Variants in GALNT13 observed in about 807,000 individuals in gnomAD.
The protein encoded by GALNT13 is UDP-GalNAc:polypeptide N-acetylgalactosaminyltransferase 13.
GALNT13 carries 28 observed loss-of-function variants against 64.2 expected under a neutral mutation model. The ratio of observed to expected loss-of-function variants is 0.44; its 90% CI spans 0.32 to 0.60. The LOEUF (loss-of-function observed/expected upper bound fraction) is 0.60. GALNT13 is among the 20% of genes least tolerant of loss of function. GALNT13 has a pLI of 0.05. For synonymous variants in GALNT13, 214 were observed against 224.6 expected (o/e 0.95, Z 0.42); for missense variants, 577 against 669.8 (o/e 0.86, Z 1.53).
chr2:153,837,117 C>T, the GALNT13 span, among the ~76,000 whole-genome samples: 2 of 150,422 alleles, frequency 1.3e-5, no homozygotes, highest in Non-Finnish European at 3.0e-5. Flanking sequence ...AGTTTCCAGT[C>T]CCACCAACAG....
chr2:154,352,729 A>C (rs570538648), intron 9 of GALNT13, among the ~76,000 whole-genome samples: 1 of 152,092 alleles, frequency 6.6e-6, no homozygotes, highest in Non-Finnish European at 1.5e-5. Context: ...AGTTTCTTCA[A>C]TGTACCTCCT....
At chr2:154,269,407 T>C (rs1308390544) in intron 8 of GALNT13, among the ~76,000 whole-genome samples, 2 of 151,966 alleles carry the variant, frequency 1.3e-5, no homozygotes, top group Non-Finnish European at 1.5e-5. Context: ...AAGTAGGTTA[T>C]TTGTCAGTGT....
At chr2:154,324,570 C>T (rs1419481693) in intron 9 of GALNT13, among the ~76,000 whole-genome samples, 2 of 152,006 alleles carry the variant, frequency 1.3e-5, no homozygotes, top group Admixed American at 6.6e-5. Context: ...ATGAGGAGTC[C>T]ATGGTTTTCC....
At chr2:154,168,022 A>G (rs1459675448) in intron 4 of GALNT13, among the ~76,000 whole-genome samples, 1 of 152,188 alleles carries the variant, frequency 6.6e-6, no homozygotes, top group Non-Finnish European at 1.5e-5. Flanking sequence ...GCATCAGTGC[A>G]TGGAAAGAAA....
chr2:153,589,882 A>G, the GALNT13 span, among the ~76,000 whole-genome samples: 7 of 152,310 alleles, frequency 4.6e-5, no homozygotes, highest in Non-Finnish European at 1.0e-4. Context: ...GTGTGGGAAT[A>G]CAGCCAAACC....
chr2:153,405,091 A>G, the GALNT13 span, among the ~76,000 whole-genome samples: 1 of 152,164 alleles, frequency 6.6e-6, no homozygotes, highest in African/African-American at 2.4e-5. Flanking sequence ...TACACATAAG[A>G]CTGGTAAGTT....
intron 4 of GALNT13, among the ~76,000 whole-genome samples, chr2:154,164,846 A>G (rs959703034): frequency 6.6e-6 from 1 of 152,136 alleles, no homozygotes; most frequent in Admixed American, 6.5e-5. Context: ...TATAAAAACT[A>G]AAAAACAAGT....
chr2:153,538,251 T>C, the GALNT13 span, among the ~76,000 whole-genome samples: 1 of 151,780 alleles, frequency 6.6e-6, no homozygotes, highest in Non-Finnish European at 1.5e-5. Flanking sequence ...CCTAGAGATC[T>C]GTGGAACTTT....
the GALNT13 span, among the ~76,000 whole-genome samples, chr2:153,810,426 C>T: frequency 1.3e-5 from 2 of 152,130 alleles, no homozygotes; most frequent in Non-Finnish European, 2.9e-5. Context: ...GAGGTTTAAT[C>T]TAATTAAAGT....
the GALNT13 span, among the ~76,000 whole-genome samples, chr2:153,819,156 G>T: frequency 6.6e-6 from 1 of 152,116 alleles, no homozygotes. Context: ...CAACATGTAT[G>T]GGCCCAAAGG....
the GALNT13 span, among the ~76,000 whole-genome samples, chr2:153,522,141 T>G: frequency 6.6e-6 from 1 of 152,202 alleles, no homozygotes; most frequent in South Asian, 2.1e-4. Flanking sequence ...GAGACCAGCC[T>G]GGCCAACATG....
chr2:153,676,341 A>C, the GALNT13 span, among the ~76,000 whole-genome samples: 7 of 152,260 alleles, frequency 4.6e-5, no homozygotes, highest in South Asian at 1.5e-3. Flanking sequence ...GAGCAGACCA[A>C]TAATGAGCTC....
At chr2:154,122,650 T>G (rs572109441) in intron 3 of GALNT13, among the ~76,000 whole-genome samples, 1 of 152,094 alleles carries the variant, frequency 6.6e-6, no homozygotes, top group South Asian at 2.1e-4. Flanking sequence ...ATTTTGGTAG[T>G]TTTGTGTGTT....
chr2:154,026,270 G>A (rs1697958392), intron 3 of GALNT13, among the ~76,000 whole-genome samples: 1 of 152,100 alleles, frequency 6.6e-6, no homozygotes, highest in African/African-American at 2.4e-5. Context: ...ACAACTAGTT[G>A]GCTGTCAGAA....
At chr2:153,176,712 A>G in the GALNT13 span, among the ~76,000 whole-genome samples, 1 of 151,812 alleles carries the variant, frequency 6.6e-6, no homozygotes, top group Non-Finnish European at 1.5e-5. Context: ...GTTCCAAAAA[A>G]TGATAAAAGA....
At chr2:153,691,896 G>C in the GALNT13 span, among the ~76,000 whole-genome samples, 273 of 152,042 alleles carry the variant, frequency 1.8e-3, no homozygotes, top group African/African-American at 6.3e-3. Flanking sequence ...ACAGAAATCC[G>C]TACTGATATT....
At position 154,409,071 on chromosome 2, in the gene GALNT13, G is replaced by A; in HGVS notation, c.1384G>A (p.Gly462Arg). The part of the protein sequence containing the change: ...KVGIFNCHGM[G>R]GNQVFSYTAD... Reference sequence around the variant, plus strand: ...GGGTATATTCAACTGTCATGGTATGGGAGGAAATCAGGTAAACTCTCCCTT... The same window carrying A: ...GGGTATATTCAACTGTCATGGTATGAGAGGAAATCAGGTAAACTCTCCCTT... The change falls in exon 11 of 13, where the codon GGA becomes AGA. Residue 462 changes from glycine (G) to arginine (R), a missense_variant. Gly to Arg is a moderately radical substitution (Grantham distance 125). This residue lies in a region of GALNT13 where 232 missense variants were observed against 270.6 expected (regional missense o/e 0.86). Coordinates refer to ENST00000392825, the MANE Select transcript of GALNT13 (RefSeq NM_052917.4). The A allele has an allele frequency of 6.2e-7, 1 of 1,603,594 alleles. No individual in the cohort carries two copies. The highest frequency in any genetic ancestry group is 2.2e-5 in the East Asian group (1 of 44,682).
intron 3 of GALNT13, among the ~76,000 whole-genome samples, chr2:154,079,048 T>C (rs1164976836): frequency 6.6e-6 from 1 of 151,686 alleles, no homozygotes; most frequent in African/African-American, 2.4e-5. Flanking sequence ...CTATAATGAT[T>C]ACAACTCATA....
intron 3 of GALNT13, among the ~76,000 whole-genome samples, chr2:154,124,521 T>A (rs1682141583): frequency 6.6e-6 from 1 of 152,028 alleles, no homozygotes; most frequent in Admixed American, 6.5e-5. Context: ...TTTCATTAGA[T>A]GAGATATTTT....
Sources: gnomAD v4.1 joint callset for allele counts (sites outside exome capture counted in the v4.1 genomes callset) on GRCh38, gnomAD v4.1.1 for gene constraint, gnomAD v4.1.1 regional missense constraint, MANE v1.5 for transcripts, NCBI Gene and HGNC (gene_info 2026-07-23, HGNC 2026-07-21) for gene names.